The following AK5 variants were observed in gnomAD, a reference collection of about 807,000 sequenced individuals.
AK5 encodes adenylate kinase isoenzyme 5.
Under a neutral mutation model 69.5 loss-of-function variants are expected in AK5, and 27 were observed. The ratio of observed to expected loss-of-function variants is 0.39; its 90% CI spans 0.29 to 0.54. The LOEUF (loss-of-function observed/expected upper bound fraction) is 0.54. Ranked by LOEUF, AK5 falls within the 20% of genes least tolerant of loss-of-function variation. The probability of loss-of-function intolerance (pLI) is 0.71; values close to 1 mark genes in which losing one functional copy is unlikely to be tolerated. For missense variants in AK5, 531 were observed against 700.4 expected, an observed-to-expected ratio of 0.76 and a Z score of 2.73; for synonymous variants, 260 against 244.4, an observed-to-expected ratio of 1.06 and a Z score of -0.60.
intron 5 of AK5, among the ~76,000 whole-genome samples, chr1:77,299,021 A>C (rs1371471198): frequency 6.6e-6 from 1 of 152,160 alleles, no homozygotes; most frequent in Non-Finnish European, 1.5e-5. Flanking sequence ...GCATACATAC[A>C]TGTATGGACA....
intron 5 of AK5, among the ~76,000 whole-genome samples, chr1:77,299,007 A>G (rs1007778768): frequency 6.6e-6 from 1 of 152,156 alleles, no homozygotes; most frequent in Non-Finnish European, 1.5e-5. Flanking sequence ...TTCTATACTT[A>G]CATGCATACA....
chr1:77,297,457 C>A, intron 3 of AK5, 102 bp from the exon 4 acceptor site: 1 of 1,112,622 alleles, frequency 9.0e-7, no homozygotes, highest in Non-Finnish European at 1.3e-6. Context: ...ACCACCCTGT[C>A]TTGGTGACAC....
chr1:77,475,692 T>C (rs913196647), intron 8 of AK5, among the ~76,000 whole-genome samples: 5 of 151,382 alleles, frequency 3.3e-5, no homozygotes, highest in African/African-American at 1.2e-4. Context: ...ATTTCTGTTT[T>C]ACAAGGAATT....
intron 6 of AK5, among the ~76,000 whole-genome samples, chr1:77,352,388 G>C (rs1662258109): frequency 6.6e-6 from 1 of 152,204 alleles, no homozygotes; most frequent in Non-Finnish European, 1.5e-5. Context: ...CAGAGGCCCA[G>C]AGAAGGTCAG....
At chr1:77,535,017 G>A (rs1658878858) in intron 12 of AK5, among the ~76,000 whole-genome samples, 1 of 152,076 alleles carries the variant, frequency 6.6e-6, no homozygotes, top group Non-Finnish European at 1.5e-5. Flanking sequence ...AAACAGTTGG[G>A]GGCTGGTAGG....
Position 77,467,097 on chromosome 1 carries a change from A to T in AK5, c.1060-16220A>T, listed in dbSNP as rs185480549. Among the ~76,000 whole-genome samples, 353 of 152,382 alleles carry T rather than the reference A, an allele frequency of 2.3e-3. 3 individuals carry two copies. The highest frequency in any genetic ancestry group is 8.2e-3 in the African/African-American group (343 of 41,588). ...AAATTGTAACTCTCCCTGAATTGTA[A>T]CATACTCCTGTATAGAAAGTAATAT... is the stretch of plus-strand genomic sequence containing the variant. On this transcript the variant is annotated intron_variant, in intron 8 of 13. Transcript: ENST00000354567.
At chr1:77,314,532 A>G (rs1314925848) in intron 5 of AK5, 1 of 152,686 alleles carries the variant, frequency 6.5e-6, no homozygotes, top group African/African-American at 2.4e-5. Context: ...ATACACAATC[A>G]TATATTTATG....
At chr1:77,367,589 T>TTATATA (rs374382779) in intron 6 of AK5, among the ~76,000 whole-genome samples, 23 of 43,596 alleles carry the variant, frequency 5.3e-4, no homozygotes, top group African/African-American at 1.8e-3. Context: ...AATATATATG[T>TTATATA]TATATATGTA....
At chr1:77,416,298 C>T (rs1238006751) in intron 7 of AK5, among the ~76,000 whole-genome samples, 3 of 152,080 alleles carry the variant, frequency 2.0e-5, no homozygotes. Flanking sequence ...GTAGTCTTGC[C>T]AACTCCATTC....
intron 8 of AK5, among the ~76,000 whole-genome samples, chr1:77,424,181 A>C (rs891767027): frequency 1.3e-5 from 2 of 152,238 alleles, no homozygotes; most frequent in African/African-American, 4.8e-5. Flanking sequence ...GTATGTCAAA[A>C]GGCAAAAAAC....
At chr1:77,380,335 A>C (rs145360131) in intron 6 of AK5, among the ~76,000 whole-genome samples, 1 of 152,226 alleles carries the variant, frequency 6.6e-6, no homozygotes, top group East Asian at 1.9e-4. Context: ...ATCCTCTCAA[A>C]ATACCCTCAT....
chr1:77,528,910 CA>C (rs1023303713), intron 12 of AK5, among the ~76,000 whole-genome samples: 10 of 152,142 alleles, frequency 6.6e-5, no homozygotes, highest in Middle Eastern at 3.4e-3. Flanking sequence ...TCCTCTTCTA[CA>C]AAATGTTGGT....
chr1:77,429,027 C>A (rs1434678634), intron 8 of AK5, among the ~76,000 whole-genome samples: 2 of 152,096 alleles, frequency 1.3e-5, no homozygotes, highest in Non-Finnish European at 2.9e-5. Flanking sequence ...GGTTCCAAGT[C>A]TTTGCTATTG....
At chr1:77,485,577 T>TGAA (rs1452033629) in intron 9 of AK5, among the ~76,000 whole-genome samples, 1 of 152,246 alleles carries the variant, frequency 6.6e-6, no homozygotes, top group African/African-American at 2.4e-5. Flanking sequence ...TTGCTCTAAG[T>TGAA]GAAACTATTT....
intron 10 of AK5, among the ~76,000 whole-genome samples, chr1:77,502,803 GCT>G (rs1557640142): frequency 6.6e-6 from 1 of 152,164 alleles, no homozygotes; most frequent in African/African-American, 2.4e-5. Flanking sequence ...GTAGGCAGAA[GCT>G]GCACCCCTGC....
chr1:77,359,504 G>T (rs973960673), intron 6 of AK5, among the ~76,000 whole-genome samples: 1 of 151,090 alleles, frequency 6.6e-6, no homozygotes, highest in African/African-American at 2.4e-5. Flanking sequence ...AAACTTTTCT[G>T]TAAATTTTTA....
chr1:77,365,879 C>T (rs17100456), intron 6 of AK5, among the ~76,000 whole-genome samples: 29,604 of 152,068 alleles, frequency 0.19, 3,284 homozygotes, highest in Middle Eastern at 0.32. Flanking sequence ...TCTAAATATG[C>T]ACATTGCTTT....
intron 6 of AK5, chr1:77,371,322 C>G (rs540833689): frequency 1.3e-5 from 2 of 152,318 alleles, no homozygotes; most frequent in South Asian, 2.1e-4. Flanking sequence ...TCTAGTCTGT[C>G]TATTCTCTAT....
chr1:77,352,776 G>T (rs1192390203), intron 6 of AK5, among the ~76,000 whole-genome samples: 1 of 152,192 alleles, frequency 6.6e-6, no homozygotes, highest in African/African-American at 2.4e-5. Flanking sequence ...GTGAAGAAAA[G>T]AAAACATTTG....
Sources: gnomAD v4.1 joint callset for allele counts (sites outside exome capture counted in the v4.1 genomes callset) on GRCh38, gnomAD v4.1.1 for gene constraint, MANE v1.5 for transcripts, NCBI Gene and HGNC (gene_info 2026-07-23, HGNC 2026-07-21) for gene names.